The following TENM2 variants were observed in gnomAD, a reference collection of about 807,000 sequenced individuals.
The protein encoded by TENM2 is teneurin transmembrane protein 2, also known as teneurin-2.
In TENM2, 52 loss-of-function variants were observed where a neutral mutation model predicts 245.2. That is an observed-to-expected ratio of 0.21 (90% CI 0.17 to 0.27). TENM2 has a LOEUF of 0.27. Ranked by LOEUF, TENM2 falls within the 10% of genes least tolerant of loss-of-function variation. The pLI is 1.00. For missense variants in TENM2, 3,046 were observed against 3,666.8 expected, an observed-to-expected ratio of 0.83 and a Z score of 4.37; for synonymous variants, 1,363 against 1,438.9, an observed-to-expected ratio of 0.95 and a Z score of 1.19.
chr5:167,545,162 A>G (rs767288326), intron 2 of TENM2, among the ~76,000 whole-genome samples: 2 of 152,142 alleles, frequency 1.3e-5, no homozygotes, highest in African/African-American at 2.4e-5. Flanking sequence ...TTGGTTATTT[A>G]TTCTCTCTGA....
chr5:167,082,638 A>G, the TENM2 span, among the ~76,000 whole-genome samples: 2 of 152,156 alleles, frequency 1.3e-5, no homozygotes, highest in African/African-American at 2.4e-5. Context: ...TACTTCAAGA[A>G]GAGTATCTTA....
intron 2 of TENM2, among the ~76,000 whole-genome samples, chr5:167,405,755 A>AACACACACAAACACAC (rs1391915696): frequency 1.1e-5 from 1 of 91,442 alleles, no homozygotes; most frequent in Non-Finnish European, 2.3e-5. Flanking sequence ...GTGCAATTCA[A>AACACACACAAACACAC]ACACACACAC....
intron 5 of TENM2, among the ~76,000 whole-genome samples, chr5:168,002,441 C>G (rs2152045759): frequency 6.6e-6 from 1 of 152,300 alleles, no homozygotes; most frequent in Admixed American, 6.5e-5. Context: ...TGCTTATATT[C>G]CACAGGGAAG....
At chr5:167,713,728 A>G (rs1438466157) in intron 2 of TENM2, among the ~76,000 whole-genome samples, 3 of 152,218 alleles carry the variant, frequency 2.0e-5, no homozygotes, top group Non-Finnish European at 4.4e-5. Flanking sequence ...GCATATGCAT[A>G]TTCATGTACA....
the TENM2 span, among the ~76,000 whole-genome samples, chr5:167,227,162 T>C: frequency 6.6e-6 from 1 of 152,092 alleles, no homozygotes; most frequent in African/African-American, 2.4e-5. Context: ...GAGAATATTT[T>C]CAATTTATGT....
At position 168,244,747 on chromosome 5, in the gene TENM2, GCTTT is replaced by G; in HGVS notation, c.5817+34_5817+37del. On this transcript the variant is annotated intron_variant, in intron 26 of 28. Coordinates refer to ENST00000518659, the Ensembl canonical transcript of TENM2. The surrounding 1 kb of genome is among the most constrained non-coding windows in gnomAD (Gnocchi z 4.9). ...TGAACATGCTGCCCTGACAGCAAGG[GCTTT>G]CTGTTATTTCTGTTATTCCGGCTTC... is the stretch of plus-strand genomic sequence containing the variant. 7.2e-7 allele frequency: 1 copy of G among 1,382,238 alleles called. No individual in the cohort carries two copies. The highest frequency in any genetic ancestry group is 9.5e-7 in the Non-Finnish European group (1 of 1,055,476). The allele number at this position is 1,382,238 out of a possible 1,614,324, so 85.6% of individuals were successfully genotyped here.
At chr5:167,354,125 T>C (rs1249640155) in intron 1 of TENM2, among the ~76,000 whole-genome samples, 7 of 152,216 alleles carry the variant, frequency 4.6e-5, no homozygotes, top group Admixed American at 4.6e-4. Flanking sequence ...CACTAGATCC[T>C]GGGTTTACAT....
intron 7 of TENM2, among the ~76,000 whole-genome samples, chr5:168,079,525 C>T (rs956949822): frequency 3.9e-5 from 6 of 152,298 alleles, no homozygotes; most frequent in African/African-American, 1.4e-4. Context: ...CAGAGGAATG[C>T]TTCCAGTTTT....
At chr5:167,702,576 A>G (rs929008748) in intron 2 of TENM2, among the ~76,000 whole-genome samples, 2 of 147,150 alleles carry the variant, frequency 1.4e-5, no homozygotes, top group South Asian at 2.1e-4. Context: ...ATATATACAT[A>G]TATATATATA....
intron 2 of TENM2, among the ~76,000 whole-genome samples, chr5:167,431,945 ATATG>A (rs1764257928): frequency 3.2e-5 from 3 of 93,994 alleles, no homozygotes; most frequent in Admixed American, 1.3e-4. Context: ...ATATACATAT[ATATG>A]TATATATATA....
chr5:167,323,364 C>T (rs1756881837), intron 1 of TENM2, among the ~76,000 whole-genome samples: 2 of 151,934 alleles, frequency 1.3e-5, no homozygotes, highest in African/African-American at 4.8e-5. Flanking sequence ...AAAATAAAAC[C>T]TTTGTTTTAT....
the TENM2 span, among the ~76,000 whole-genome samples, chr5:167,027,999 G>T: frequency 6.7e-6 from 1 of 149,626 alleles, no homozygotes; most frequent in African/African-American, 2.5e-5. Context: ...TGAGCCTAGA[G>T]GCAGAGGTTG....
chr5:167,967,942 C>T (rs1278682014), intron 4 of TENM2, among the ~76,000 whole-genome samples: 1 of 152,222 alleles, frequency 6.6e-6, no homozygotes, highest in Non-Finnish European at 1.5e-5. Flanking sequence ...TTCTGGCTCC[C>T]TGATGATCCT....
At chr5:167,567,638 G>T (rs1773991743) in intron 2 of TENM2, among the ~76,000 whole-genome samples, 1 of 152,106 alleles carries the variant, frequency 6.6e-6, no homozygotes, top group African/African-American at 2.4e-5. Flanking sequence ...TCAATTTGTT[G>T]GGATGAGCTA....
At chr5:167,710,486 T>C (rs1758838745) in intron 2 of TENM2, among the ~76,000 whole-genome samples, 1 of 152,080 alleles carries the variant, frequency 6.6e-6, no homozygotes, top group Non-Finnish European at 1.5e-5. Context: ...GAGCTGACTG[T>C]GAAAGGCTGA....
intron 2 of TENM2, among the ~76,000 whole-genome samples, chr5:167,769,981 T>C (rs918181981): frequency 1.3e-5 from 2 of 152,036 alleles, no homozygotes; most frequent in Admixed American, 6.5e-5. Flanking sequence ...AATGTTCACA[T>C]GGGAAATTCA....
the TENM2 span, among the ~76,000 whole-genome samples, chr5:167,274,957 T>C: frequency 6.6e-6 from 1 of 152,060 alleles, no homozygotes; most frequent in Admixed American, 6.6e-5. Flanking sequence ...TAGATTGTCC[T>C]TTAATCCTTT....
intron 4 of TENM2, among the ~76,000 whole-genome samples, chr5:167,959,632 A>G (rs906449862): frequency 2.0e-5 from 3 of 152,096 alleles, no homozygotes; most frequent in African/African-American, 7.2e-5. Context: ...GCTTCCTTGC[A>G]TTGGGTCAGA....
chr5:167,757,924 A>T (rs1762414392), intron 2 of TENM2, among the ~76,000 whole-genome samples: 1 of 152,184 alleles, frequency 6.6e-6, no homozygotes, highest in African/African-American at 2.4e-5. Flanking sequence ...AATATTCTGA[A>T]GTCTTTTTCT....
Sources: gnomAD v4.1 joint callset for allele counts (sites outside exome capture counted in the v4.1 genomes callset) on GRCh38, gnomAD v4.1.1 for gene constraint, Gnocchi (gnomAD v3.1) non-coding constraint, MANE v1.5 for transcripts, NCBI Gene and HGNC (gene_info 2026-07-23, HGNC 2026-07-21) for gene names.